ERC2: variants seen among roughly 807,000 people sequenced by gnomAD.
ERC2 encodes the protein ELKS/RAB6-interacting/CAST family member 2.
In ERC2, 42 loss-of-function variants were observed where a neutral mutation model predicts 114.8. The ratio of observed to expected loss-of-function variants is 0.37; its 90% CI spans 0.29 to 0.47. The LOEUF (loss-of-function observed/expected upper bound fraction) is 0.47. Among genes scored for constraint, ERC2 ranks in the 20% least tolerant of loss-of-function variants. The pLI, the probability that ERC2 is intolerant of heterozygous loss-of-function variation, is 0.99. For synonymous variants in ERC2, 454 were observed against 425.5 expected (o/e 1.07, Z -0.82); for missense variants, 939 against 1,150.7 (o/e 0.82, Z 2.66).
rs571502681 is a variant in ERC2, at chr3:55,954,513, G to A, written c.2268-3953C>T. Among the ~76,000 whole-genome samples the A allele has an allele frequency of 5.3e-5, 8 of 152,264 alleles. No homozygotes were observed. In the East Asian group the frequency reaches 1.3e-3, roughly 26 times the overall value. On this transcript the variant is annotated intron_variant, in intron 12 of 17. Coordinates refer to ENST00000288221, the MANE Select transcript of ERC2 (RefSeq NM_015576.3). ...TGAGACCTCTAGAATTACATAGCTA[G>A]GAGTGCAGGACAGGAGATGCATATG...
At chr3:55,818,618 C>T (rs1489947901) in intron 14 of ERC2, among the ~76,000 whole-genome samples, 1 of 152,214 alleles carries the variant, frequency 6.6e-6, no homozygotes, top group Non-Finnish European at 1.5e-5. Context: ...AGTGACCTAA[C>T]TATCTTGACT....
At chr3:56,397,839 A>G (rs1378809786) in intron 2 of ERC2, among the ~76,000 whole-genome samples, 1 of 152,254 alleles carries the variant, frequency 6.6e-6, no homozygotes, top group Non-Finnish European at 1.5e-5. Context: ...TCCGCCATGC[A>G]TGGCCTCATT....
chr3:56,213,373 G>A (rs539009323), intron 3 of ERC2, among the ~76,000 whole-genome samples: 7 of 152,290 alleles, frequency 4.6e-5, no homozygotes, highest in South Asian at 2.1e-4. Flanking sequence ...ATTATATCCT[G>A]TGTCTGGCTC....
At chr3:56,036,981 AC>A (rs2074850319) in intron 7 of ERC2, among the ~76,000 whole-genome samples, 2 of 152,152 alleles carry the variant, frequency 1.3e-5, no homozygotes, top group African/African-American at 2.4e-5. Context: ...AAACAAACAA[AC>A]AAAAAGCAAC....
intron 4 of ERC2, among the ~76,000 whole-genome samples, chr3:56,159,883 C>T (rs1560279182): frequency 6.6e-6 from 1 of 152,118 alleles, no homozygotes. Flanking sequence ...CGTATACATA[C>T]TAAGCGTTCT....
intron 13 of ERC2, among the ~76,000 whole-genome samples, chr3:55,921,838 T>C (rs1224484018): frequency 1.3e-5 from 2 of 152,140 alleles, no homozygotes; most frequent in Admixed American, 6.6e-5. Flanking sequence ...AACAAATTCA[T>C]TGTTGGTTAA....
intron 2 of ERC2, among the ~76,000 whole-genome samples, chr3:56,361,703 A>T (rs1305512854): frequency 6.6e-6 from 1 of 152,220 alleles, no homozygotes. Flanking sequence ...CACCATCAGT[A>T]AGAGCAGATG....
chr3:55,884,293 C>T (rs747273731), intron 14 of ERC2, among the ~76,000 whole-genome samples: 5 of 152,124 alleles, frequency 3.3e-5, no homozygotes, highest in Non-Finnish European at 7.4e-5. Context: ...AGGTTGTTCA[C>T]GTTCACAGAA....
At chr3:55,714,372 G>C (rs2148865683) in intron 15 of ERC2, among the ~76,000 whole-genome samples, 1 of 152,200 alleles carries the variant, frequency 6.6e-6, no homozygotes, top group East Asian at 1.9e-4. Flanking sequence ...GGGTATCACA[G>C]GGATGGCAAT....
intron 3 of ERC2, among the ~76,000 whole-genome samples, chr3:56,255,863 G>T (rs536750392): frequency 2.0e-5 from 3 of 152,170 alleles, no homozygotes; most frequent in Non-Finnish European, 4.4e-5. Context: ...CATGAATGTC[G>T]TTGCCTAGGA....
intron 2 of ERC2, among the ~76,000 whole-genome samples, chr3:56,331,463 A>G (rs1284223269): frequency 2.0e-5 from 3 of 152,158 alleles, no homozygotes; most frequent in African/African-American, 7.2e-5. Context: ...GTCTTGAATA[A>G]AATCTTCCTG....
intron 11 of ERC2, among the ~76,000 whole-genome samples, chr3:55,990,964 G>A (rs554298163): frequency 4.6e-5 from 7 of 152,178 alleles, no homozygotes; most frequent in Admixed American, 6.5e-5. Flanking sequence ...GTGTAGTGGC[G>A]TGCACCTGTA....
chr3:56,015,244 G>A (rs1031878084), intron 8 of ERC2, among the ~76,000 whole-genome samples: 11 of 152,194 alleles, frequency 7.2e-5, no homozygotes, highest in Non-Finnish European at 1.0e-4. Context: ...ACATGTGCAC[G>A]ATGTGTAGGT....
At chr3:55,807,657 C>T (rs1374646583) in intron 14 of ERC2, among the ~76,000 whole-genome samples, 2 of 152,152 alleles carry the variant, frequency 1.3e-5, no homozygotes, top group African/African-American at 4.8e-5. Flanking sequence ...AATCCATCTG[C>T]TCGAGATGGA....
chr3:56,143,608 G>A (rs1315690111), intron 5 of ERC2, among the ~76,000 whole-genome samples: 1 of 152,198 alleles, frequency 6.6e-6, no homozygotes, highest in African/African-American at 2.4e-5. Flanking sequence ...CCCCAGCCAT[G>A]TGGAATTGTG....
intron 17 of ERC2, among the ~76,000 whole-genome samples, chr3:55,627,423 G>T (rs143073312): frequency 1.3e-5 from 2 of 151,956 alleles, no homozygotes; most frequent in African/African-American, 4.8e-5. Flanking sequence ...CTGAGATCAC[G>T]CCATTGTACC....
At chr3:55,765,508 A>C (rs141921945) in intron 14 of ERC2, among the ~76,000 whole-genome samples, 6 of 152,334 alleles carry the variant, frequency 3.9e-5, no homozygotes, top group Admixed American at 3.9e-4. Flanking sequence ...CCAATGACGT[A>C]GCATGTGCAA....
At chr3:55,811,142 T>C (rs1302163358) in intron 14 of ERC2, among the ~76,000 whole-genome samples, 1 of 152,210 alleles carries the variant, frequency 6.6e-6, no homozygotes, top group Non-Finnish European at 1.5e-5. Context: ...GGATTAACTT[T>C]TAATTTGCTT....
rs527755696 is a variant in ERC2 at position 55,880,519 on chromosome 3, T to G, written c.2564+7870A>C. Among the ~76,000 whole-genome samples the G allele has an allele frequency of 6.6e-5, 10 of 152,246 alleles. No individual in the cohort carries two copies. In the South Asian group the frequency reaches 1.7e-3, roughly 25 times the overall value. Reference sequence around the variant, plus strand: ...CACTGCCTGCAGCTAAAACCAAAATTGGTTTTGAATGAGTCATTTTTTGTG... The same window carrying G: ...CACTGCCTGCAGCTAAAACCAAAATGGGTTTTGAATGAGTCATTTTTTGTG... On this transcript the variant is annotated intron_variant, in intron 14 of 17. Coordinates refer to ENST00000288221, the MANE Select transcript of ERC2 (RefSeq NM_015576.3).
Sources: gnomAD v4.1 joint callset for allele counts (sites outside exome capture counted in the v4.1 genomes callset) on GRCh38, gnomAD v4.1.1 for gene constraint, MANE v1.5 for transcripts, NCBI Gene and HGNC (gene_info 2026-07-23, HGNC 2026-07-21) for gene names.